The following SCAPER variants were observed in gnomAD, a reference collection of about 807,000 sequenced individuals.
SCAPER encodes S phase cyclin A-associated protein in the endoplasmic reticulum.
Under a neutral mutation model 182.2 loss-of-function variants are expected in SCAPER, and 98 were observed. The ratio of observed to expected loss-of-function variants is 0.54; its 90% CI spans 0.46 to 0.64. SCAPER has a LOEUF of 0.64. Ranked by LOEUF, SCAPER falls within the 30% of genes least tolerant of loss-of-function variation. The pLI, the probability that SCAPER is intolerant of heterozygous loss-of-function variation, is 0.00. For synonymous variants in SCAPER, 605 were observed against 564.6 expected, an observed-to-expected ratio of 1.07 and a Z score of -1.01; for missense variants, 1,432 against 1,690.0, an observed-to-expected ratio of 0.85 and a Z score of 2.68.
chr15:76,766,080 C>CATTT (rs35954470), intron 11 of SCAPER, among the ~76,000 whole-genome samples: 94,197 of 148,384 alleles, frequency 0.63, 30,294 homozygotes, highest in Middle Eastern at 0.7. Flanking sequence ...ATCATTTGCT[C>CATTT]ATTTATTTAT....
At chr15:76,709,773 A>T (rs1472179877) in intron 17 of SCAPER, among the ~76,000 whole-genome samples, 1 of 152,194 alleles carries the variant, frequency 6.6e-6, no homozygotes, top group Non-Finnish European at 1.5e-5. Context: ...CCCCTCATGA[A>T]CATGCCCTTG....
intron 21 of SCAPER, among the ~76,000 whole-genome samples, chr15:76,652,317 C>T (rs1450559592): frequency 5.5e-5 from 2 of 36,134 alleles, no homozygotes; most frequent in African/African-American, 1.2e-4. Flanking sequence ...TATACACACA[C>T]ACACACACAC....
chr15:76,808,070 TA>T (rs1169750757), intron 5 of SCAPER, among the ~76,000 whole-genome samples: 2 of 151,944 alleles, frequency 1.3e-5, no homozygotes, highest in Non-Finnish European at 2.9e-5. Flanking sequence ...TCCCAGAGAA[TA>T]AAGAGGTGAT....
At chr15:76,842,023 A>C in intron 4 of SCAPER, 92 bp from the exon 5 acceptor site, 1 of 1,102,416 alleles carries the variant, frequency 9.1e-7, no homozygotes. Context: ...TACAAATCAA[A>C]ACTACTCCAG....
intron 22 of SCAPER, among the ~76,000 whole-genome samples, chr15:76,593,450 T>C (rs1314402002): frequency 8.3e-6 from 1 of 121,112 alleles, no homozygotes; most frequent in African/African-American, 2.5e-5. Flanking sequence ...GCGGATCTCC[T>C]AGCACAGTGC....
At chr15:76,774,398 C>T (rs942126094) in intron 9 of SCAPER, 2 of 388,578 alleles carry the variant, frequency 5.1e-6, no homozygotes, top group Non-Finnish European at 1.0e-5. Flanking sequence ...ACACTGGATC[C>T]TGGAGGAAAT....
chr15:76,420,248 T>C (rs2142327030), intron 26 of SCAPER, among the ~76,000 whole-genome samples: 1 of 149,120 alleles, frequency 6.7e-6, no homozygotes, highest in African/African-American at 2.5e-5. Context: ...TTTTTTTTTT[T>C]TTTTTTTTAT....
intron 24 of SCAPER, among the ~76,000 whole-genome samples, chr15:76,474,739 G>C (rs2050484792): frequency 6.6e-6 from 1 of 152,116 alleles, no homozygotes; most frequent in African/African-American, 2.4e-5. Context: ...TATTCTTAAT[G>C]AATAAGGTAT....
chr15:76,573,145 T>A (rs184791065), intron 23 of SCAPER, among the ~76,000 whole-genome samples: 1 of 152,262 alleles, frequency 6.6e-6, no homozygotes, highest in Admixed American at 6.5e-5. Context: ...TAACATTATT[T>A]AACAAAACAT....
intron 21 of SCAPER, among the ~76,000 whole-genome samples, chr15:76,636,229 T>C (rs749880609): frequency 6.6e-6 from 1 of 152,174 alleles, no homozygotes; most frequent in African/African-American, 2.4e-5. Flanking sequence ...GAGTGTGTCA[T>C]CTCATTGCCA....
At chr15:76,404,758 T>G in intron 26 of SCAPER, 79 bp from the exon 27 acceptor site, 1 of 1,469,076 alleles carries the variant, frequency 6.8e-7, no homozygotes, top group East Asian at 2.3e-5. Flanking sequence ...AATGCTACCA[T>G]ACACAGGCTT....
At chr15:76,892,806 C>T (rs563920224) in intron 1 of SCAPER, among the ~76,000 whole-genome samples, 2 of 152,288 alleles carry the variant, frequency 1.3e-5, no homozygotes, top group East Asian at 3.9e-4. Flanking sequence ...TTTGACCCAG[C>T]AATCCCATTA....
In SCAPER at chr15:76,581,863, G is replaced by T. The variant is rs146762410; in HGVS notation, c.2712-7579C>A. ...AGCCTCCCAACATGCCAGGATTACAGGTGTGAGCCACCATGCCTGGCCTGA... is the reference window on the plus strand; with the variant it reads ...AGCCTCCCAACATGCCAGGATTACATGTGTGAGCCACCATGCCTGGCCTGA... On this transcript the variant is annotated intron_variant, in intron 22 of 31. Coordinates refer to ENST00000563290, the MANE Select transcript of SCAPER (RefSeq NM_020843.4). Among the ~76,000 whole-genome samples the T allele has an allele frequency of 2.6e-3, 393 of 152,252 alleles. 16 individuals carry two copies. The East Asian group carries it at 0.066, about 26-fold the overall frequency.
intron 5 of SCAPER, among the ~76,000 whole-genome samples, chr15:76,837,772 CAAAA>C (rs2151752434): frequency 6.6e-6 from 1 of 152,182 alleles, no homozygotes; most frequent in South Asian, 2.1e-4. Flanking sequence ...AGACATTTGT[CAAAA>C]GAATACACAC....
intron 1 of SCAPER, among the ~76,000 whole-genome samples, chr15:76,899,753 G>A (rs973868679): frequency 2.8e-4 from 42 of 150,612 alleles, no homozygotes; most frequent in African/African-American, 1.0e-3. Flanking sequence ...TCTGGGATGT[G>A]AGGAGCACCT....
chr15:76,899,131 T>C (rs2074600966), intron 1 of SCAPER, among the ~76,000 whole-genome samples: 1 of 152,326 alleles, frequency 6.6e-6, no homozygotes, highest in Non-Finnish European at 1.5e-5. Flanking sequence ...TCAGTCAATA[T>C]ACAAGAAATA....
intron 20 of SCAPER, among the ~76,000 whole-genome samples, chr15:76,690,632 C>A (rs1043807087): frequency 6.6e-6 from 1 of 152,066 alleles, no homozygotes. Flanking sequence ...ACTATCTTTA[C>A]AGCTTTTTTG....
chr15:76,477,878 G>T (rs1274646021), intron 24 of SCAPER, among the ~76,000 whole-genome samples: 1 of 151,382 alleles, frequency 6.6e-6, no homozygotes, highest in African/African-American at 2.4e-5. Context: ...TGATAATATA[G>T]ATGTTAACCC....
chr15:76,831,351 G>A (rs1036698742), intron 5 of SCAPER, among the ~76,000 whole-genome samples: 3 of 151,972 alleles, frequency 2.0e-5, no homozygotes, highest in African/African-American at 7.3e-5. Flanking sequence ...CCACTGAAAT[G>A]CTTGTCAGTG....
Sources: gnomAD v4.1 joint callset for allele counts (sites outside exome capture counted in the v4.1 genomes callset) on GRCh38, gnomAD v4.1.1 for gene constraint, MANE v1.5 for transcripts, NCBI Gene and HGNC (gene_info 2026-07-23, HGNC 2026-07-21) for gene names.